KAZN: variants seen among roughly 807,000 people sequenced by gnomAD.
KAZN encodes kazrin.
In KAZN, 40 loss-of-function variants were observed where a neutral mutation model predicts 87.4. The ratio of observed to expected loss-of-function variants is 0.46; its 90% confidence interval spans 0.36 to 0.60. KAZN has a LOEUF of 0.60. Among genes scored for constraint, KAZN ranks in the 20% least tolerant of loss-of-function variants. The pLI is 0.00. For synonymous variants in KAZN, 466 were observed against 458.3 expected (o/e 1.02, Z -0.22); for missense variants, 898 against 1,073.9 (o/e 0.84, Z 2.29).
At chr1:14,239,737 G>A (rs1186679799) in intron 2 of KAZN, among the ~76,000 whole-genome samples, 1 of 151,832 alleles carries the variant, frequency 6.6e-6, no homozygotes. Context: ...TGGGATTACA[G>A]GCATGAACCA....
intron 2 of KAZN, among the ~76,000 whole-genome samples, chr1:14,312,328 A>G (rs181381020): frequency 1.3e-5 from 2 of 152,274 alleles, no homozygotes; most frequent in African/African-American, 4.8e-5. Context: ...AATAATAACA[A>G]TTAAAGCTGT....
chr1:14,154,977 C>CCTTCCTTT (rs1645560456), intron 1 of KAZN, among the ~76,000 whole-genome samples: 1 of 151,084 alleles, frequency 6.6e-6, no homozygotes, highest in Admixed American at 6.6e-5. Context: ...TTCCTTCCTT[C>CCTTCCTTT]CTTCCTTCCT....
intron 2 of KAZN, among the ~76,000 whole-genome samples, chr1:14,229,225 C>G (rs961160600): frequency 6.6e-6 from 1 of 152,192 alleles, no homozygotes; most frequent in African/African-American, 2.4e-5. Flanking sequence ...AACTGGGTTT[C>G]TCTCTCCTTA....
In KAZN at chr1:14,927,244, C is replaced by T. The variant is rs75607703; in HGVS notation, c.227-33440C>T. ...GGTTCTTAAACTGGGAACAGGAATC[C>T]GGTTCTTTGATCTTTCATTGTCCAT... On this transcript the variant is annotated intron_variant, in intron 1 of 14. Coordinates refer to ENST00000376030, the MANE Select transcript of KAZN (RefSeq NM_201628.3). Among the ~76,000 whole-genome samples, 132 of 152,282 alleles carry T rather than the reference C, an allele frequency of 8.7e-4. 1 individual carries two copies. The East Asian group carries it at 0.019, about 22-fold the overall frequency.
At chr1:14,854,088 G>A (rs548851418) in intron 1 of KAZN, among the ~76,000 whole-genome samples, 2 of 152,304 alleles carry the variant, frequency 1.3e-5, no homozygotes, top group Admixed American at 6.5e-5. Flanking sequence ...CAGAGGACCA[G>A]GGGTCTCAGT....
At chr1:14,620,504 T>A (rs1029414252) in intron 1 of KAZN, among the ~76,000 whole-genome samples, 1 of 152,234 alleles carries the variant, frequency 6.6e-6, no homozygotes, top group Admixed American at 6.5e-5. Context: ...ATTCCAGGGC[T>A]CGGCCAGGTC....
At position 14,865,357 on chromosome 1, in the gene KAZN, T is replaced by A. The variant is rs975724311; in HGVS notation, c.227-95327T>A. Among the ~76,000 whole-genome samples, 15 of 152,328 alleles carry A rather than the reference T, an allele frequency of 9.8e-5. 1 individual carries two copies. Among genetic ancestry groups the A allele is most frequent in the Admixed American group, 5.9e-4 (9 of 15,288 alleles). On this transcript the variant is annotated intron_variant, in intron 1 of 14. Transcript: ENST00000376030. ...CCTGTCTTCTGAAGTTCATTTGTGC[T>A]TTTAATAGAATCTACAACACATCTG...
rs1643876082 is a variant in KAZN at position 14,735,568 on chromosome 1, C to G, written c.226+136345C>G. 6.6e-6 allele frequency among the ~76,000 whole-genome samples: 1 copy of G among 152,160 alleles called. No individual in the cohort carries two copies. Among genetic ancestry groups the G allele is most frequent in the African/African-American group, 2.4e-5 (1 of 41,440 alleles). On this transcript the variant is annotated intron_variant, in intron 1 of 14. Transcript: ENST00000376030. The surrounding 1 kb of genome is among the most constrained non-coding windows in gnomAD (Gnocchi z 4.3). ...AGAGAATGTGCTAAACCCCACACAC[C>G]TAACGGCCGTTTTCACATGGCAGCC...
intron 1 of KAZN, among the ~76,000 whole-genome samples, chr1:14,768,078 A>G (rs986132639): frequency 5.9e-5 from 9 of 152,196 alleles, no homozygotes; most frequent in African/African-American, 2.2e-4. Flanking sequence ...TTTCTTAATG[A>G]CCAGAAAGCA....
At chr1:13,939,484 A>C in intron 1 of KAZN, among the ~76,000 whole-genome samples, 1 of 152,222 alleles carries the variant, frequency 6.6e-6, no homozygotes, top group East Asian at 1.9e-4. Context: ...AATTGTCCAC[A>C]TCACTATCAG....
At chr1:15,062,871 C>T (rs960439372) in intron 6 of KAZN, 1 of 152,160 alleles carries the variant, frequency 6.6e-6, no homozygotes, top group Non-Finnish European at 1.5e-5. Flanking sequence ...TCTGAGGCTC[C>T]CTAGGAAAAA....
intron 1 of KAZN, among the ~76,000 whole-genome samples, chr1:14,071,719 T>G (rs1055620957): frequency 2.0e-5 from 3 of 152,154 alleles, no homozygotes; most frequent in Non-Finnish European, 4.4e-5. Flanking sequence ...TGGAAGGGCA[T>G]GAAGGATGTG....
intron 1 of KAZN, among the ~76,000 whole-genome samples, chr1:14,956,299 GAAA>G (rs35057453): frequency 3.0e-5 from 3 of 99,586 alleles, no homozygotes; most frequent in East Asian, 2.9e-4. Flanking sequence ...AGAAGTCACT[GAAA>G]AAAAAAAAAA....
intron 1 of KAZN, among the ~76,000 whole-genome samples, chr1:13,970,089 G>A (rs1322786038): frequency 6.6e-6 from 1 of 152,112 alleles, no homozygotes; most frequent in Non-Finnish European, 1.5e-5. Flanking sequence ...CTGCACCTTC[G>A]TCACTCATAT....
intron 2 of KAZN, among the ~76,000 whole-genome samples, chr1:14,593,346 CA>C (rs994941645): frequency 1.3e-5 from 2 of 152,202 alleles, no homozygotes; most frequent in African/African-American, 4.8e-5. Flanking sequence ...TCACACCAGA[CA>C]GGGGGAGCAG....
At chr1:14,635,118 G>T (rs1196490555) in intron 1 of KAZN, among the ~76,000 whole-genome samples, 1 of 152,242 alleles carries the variant, frequency 6.6e-6, no homozygotes, top group Non-Finnish European at 1.5e-5. Context: ...TTGTACTGGT[G>T]CAGACTAAGT....
chr1:14,075,390 T>G (rs1643411815), intron 1 of KAZN, among the ~76,000 whole-genome samples: 1 of 152,202 alleles, frequency 6.6e-6, no homozygotes, highest in Admixed American at 6.5e-5. Context: ...GTGGATCACC[T>G]TTGTCGCAAG....
intron 1 of KAZN, among the ~76,000 whole-genome samples, chr1:14,024,122 A>C (rs1158635622): frequency 6.6e-6 from 1 of 152,182 alleles, no homozygotes; most frequent in Non-Finnish European, 1.5e-5. Context: ...AGGAAATGCA[A>C]ATGGTGCTGA....
intron 1 of KAZN, among the ~76,000 whole-genome samples, chr1:14,882,153 C>T (rs1023013613): frequency 6.6e-5 from 10 of 152,180 alleles, no homozygotes; most frequent in African/African-American, 2.4e-4. Context: ...CTCATCCTCT[C>T]GCCTTGCCCT....
Sources: gnomAD v4.1 joint callset for allele counts (sites outside exome capture counted in the v4.1 genomes callset) on GRCh38, gnomAD v4.1.1 for gene constraint, Gnocchi (gnomAD v3.1) non-coding constraint, MANE v1.5 for transcripts, NCBI Gene and HGNC (gene_info 2026-07-23, HGNC 2026-07-21) for gene names.